GIN1: variants seen among roughly 807,000 people sequenced by gnomAD.
GIN1 encodes the protein gypsy retrotransposon integrase 1, also known as gypsy retrotransposon integrase-like protein 1.
In GIN1, 41 loss-of-function variants were observed where a neutral mutation model predicts 51.4. The observed-to-expected ratio is 0.80, with a 90% CI of 0.62 to 1.04. The LOEUF (loss-of-function observed/expected upper bound fraction) is 1.04, where lower values mean the gene tolerates loss of function less well. Ranked by LOEUF, GIN1 falls within the 50% of genes least tolerant of loss-of-function variation. The probability of loss-of-function intolerance (pLI) is 0.00; values close to 1 mark genes in which losing one functional copy is unlikely to be tolerated. For missense variants in GIN1, 610 were observed against 612.4 expected, an observed-to-expected ratio of 1.00 and a Z score of 0.04; for synonymous variants, 222 against 206.5, an observed-to-expected ratio of 1.07 and a Z score of -0.64.
Position 103,096,697 on chromosome 5 carries a change from C to T in GIN1, c.1138G>A (p.Asp380Asn). Residue 380 changes from aspartate to asparagine, a missense_variant, in exon 7 of 8, where the codon GAT (aspartate) becomes AAT (asparagine). Coordinates refer to ENST00000399004, the MANE Select transcript of GIN1 (RefSeq NM_017676.2). Reference sequence around the variant, plus strand: ...ACCCATTCAGACTGAAAACGACCATCCTTCCACCAATTTTTCCTTTGTCTT... The same window carrying T: ...ACCCATTCAGACTGAAAACGACCATTCTTCCACCAATTTTTCCTTTGTCTT... The part of the protein sequence containing the change: ...VLRQRKNWWK[D>N]GRFQSEWVGP... 1 of 1,614,072 alleles carries T rather than the reference C, an allele frequency of 6.2e-7. No individual in the cohort carries two copies. The highest frequency in any genetic ancestry group is 8.5e-7 in the Non-Finnish European group (1 of 1,179,966).
At chr5:103,097,812 T>C (rs1170810579) in intron 4 of GIN1, 31 bp from the exon 5 acceptor site, 1 of 920,260 alleles carries the variant, frequency 1.1e-6, no homozygotes, top group African/African-American at 1.7e-5. Flanking sequence ...AGGTGGCTTT[T>C]TAAAATTTGT....
intron 7 of GIN1, among the ~76,000 whole-genome samples, chr5:103,092,214 C>T (rs1787260557): frequency 6.6e-6 from 1 of 151,980 alleles, no homozygotes; most frequent in Non-Finnish European, 1.5e-5. Context: ...CACTATGTTG[C>T]CCATGCTGGT....
chr5:103,104,992 G>T, intron 3 of GIN1, 146 bp from the exon 4 acceptor site: 2 of 575,380 alleles, frequency 3.5e-6, no homozygotes, highest in Non-Finnish European at 3.0e-6. Flanking sequence ...AGAATCACTG[G>T]ATTAAACCTA....
chr5:103,097,376 T>C lies in GIN1; in HGVS notation c.946A>G (p.Ile316Val). 1 of 1,599,080 alleles carries C rather than the reference T, an allele frequency of 6.3e-7. No individual in the cohort carries two copies. ...TCAGCTTCTTTAATTGCATCTAGAA[T>C]TTTGGCAAACATACTTGTATTATCA... Reference protein sequence around the residue: ...DGDNTSMFAKILDAIKEADKI... With the variant: ...DGDNTSMFAKVLDAIKEADKI... Residue 316 changes from isoleucine to valine, a missense_variant, in exon 6 of 8, where the codon ATT becomes GTT. By Grantham distance (29) the Ile-to-Val change is conservative. Transcript: ENST00000399004.
At chr5:103,095,602 T>C (rs1247388702) in intron 7 of GIN1, among the ~76,000 whole-genome samples, 2 of 152,222 alleles carry the variant, frequency 1.3e-5, no homozygotes, top group Non-Finnish European at 2.9e-5. Flanking sequence ...CTGTTTTTCA[T>C]GCCAAAAAGA....
intron 3 of GIN1, chr5:103,106,470 A>T (rs1037831889): frequency 6.4e-6 from 2 of 314,864 alleles, no homozygotes; most frequent in Non-Finnish European, 1.1e-5. Flanking sequence ...AATGATACAA[A>T]TCTGATTTTT....
intron 7 of GIN1, among the ~76,000 whole-genome samples, chr5:103,093,043 C>A (rs1002784860): frequency 2.7e-5 from 4 of 148,232 alleles, no homozygotes; most frequent in Admixed American, 6.7e-5. Context: ...ACTATATTAA[C>A]GTCAAGATCA....
chr5:103,112,045 T>C (rs1240739472), intron 1 of GIN1, among the ~76,000 whole-genome samples: 1 of 130,160 alleles, frequency 7.7e-6, no homozygotes, highest in Non-Finnish European at 1.6e-5. Flanking sequence ...AAATTTGCTC[T>C]CCTCAGAGTA....
intron 3 of GIN1, among the ~76,000 whole-genome samples, chr5:103,106,027 T>C (rs1787713642): frequency 6.6e-6 from 1 of 152,120 alleles, no homozygotes; most frequent in African/African-American, 2.4e-5. Context: ...ATGCTTGAAA[T>C]GCCACTCTTT....
At position 103,099,384 on chromosome 5, in the gene GIN1, T is replaced by C. The variant is rs113407904; in HGVS notation, c.640-1603A>G. ...ATATTGGGATAATATATATACAATA[T>C]ATATTAATATATTGAGATAGGGAAA... On this transcript the variant is annotated intron_variant, in intron 4 of 7. Coordinates refer to ENST00000399004, the MANE Select transcript of GIN1 (RefSeq NM_017676.2). Among the ~76,000 whole-genome samples, 584 of 151,954 alleles carry C rather than the reference T, an allele frequency of 3.8e-3. 2 individuals carry two copies. Among genetic ancestry groups the C allele is most frequent in the African/African-American group, 0.013 (549 of 41,434 alleles).
chr5:103,108,299 T>G (rs1234810137), intron 2 of GIN1, among the ~76,000 whole-genome samples: 2 of 152,100 alleles, frequency 1.3e-5, no homozygotes, highest in Non-Finnish European at 1.5e-5. Context: ...CACGAGAGGG[T>G]AAAAGCAGAA....
chr5:103,092,134 A>T (rs1554194618), intron 7 of GIN1, among the ~76,000 whole-genome samples: 1 of 152,008 alleles, frequency 6.6e-6, no homozygotes, highest in East Asian at 1.9e-4. Context: ...CCTCTGCCTC[A>T]GCCCGCTAAG....
chr5:103,097,292 T>G (rs1554195185), intron 6 of GIN1, 22 bp downstream of exon 6: 1 of 1,448,274 alleles, frequency 6.9e-7, no homozygotes, highest in Admixed American at 1.9e-5. Flanking sequence ...TAGATTACAG[T>G]TTTTCTATTG....
rs546836567 is a variant in GIN1 at position 103,113,238 on chromosome 5, T to C, written c.-7-4524A>G. ...TACATCTTTTGCCATTCCTGATTGT[T>C]TTAGTCCACTTGGGCGGCTATAACA... On this transcript the variant is annotated intron_variant, in intron 1 of 7. Transcript: ENST00000399004. Among the ~76,000 whole-genome samples the C allele has an allele frequency of 2.0e-5, 3 of 152,336 alleles. No homozygotes were observed. In the East Asian group the frequency reaches 5.8e-4, roughly 29 times the overall value.
intron 4 of GIN1, among the ~76,000 whole-genome samples, chr5:103,102,091 G>A (rs1221184966): frequency 6.6e-6 from 1 of 151,970 alleles, no homozygotes; most frequent in Non-Finnish European, 1.5e-5. Flanking sequence ...CTATTCCTAG[G>A]TTTAGAATGT....
chr5:103,108,385 C>G (rs34831), intron 2 of GIN1, among the ~76,000 whole-genome samples, 184 bp downstream of exon 2: 1 of 151,780 alleles, frequency 6.6e-6, no homozygotes, highest in Non-Finnish European at 1.5e-5. Flanking sequence ...ACCCTTTTCA[C>G]GCTTATTGGC....
chr5:103,105,684 T>C (rs1361177994), intron 3 of GIN1, among the ~76,000 whole-genome samples: 1 of 152,176 alleles, frequency 6.6e-6, no homozygotes, highest in Non-Finnish European at 1.5e-5. Flanking sequence ...AATGTATCTC[T>C]GGAATTCCAC....
rs1364560153 is a variant in GIN1 at position 103,096,691 on chromosome 5, G to A, written c.1144C>T (p.Arg382Cys). Residue 382 changes from arginine to cysteine, a missense_variant, in exon 7 of 8, where the codon CGT (arginine) becomes TGT (cysteine). Coordinates refer to ENST00000399004, the MANE Select transcript of GIN1 (RefSeq NM_017676.2). ...RQRKNWWKDG[R>C]FQSEWVGPCV... ...GGACCAACCCATTCAGACTGAAAACGACCATCCTTCCACCAATTTTTCCTT... is the reference window on the plus strand; with the variant it reads ...GGACCAACCCATTCAGACTGAAAACAACCATCCTTCCACCAATTTTTCCTT... 3 of 1,614,006 alleles carry A rather than the reference G, an allele frequency of 1.9e-6. No homozygotes were observed. The highest frequency in any genetic ancestry group is 1.1e-5 in the South Asian group (1 of 91,080).
At chr5:103,111,523 T>C (rs34769) in intron 1 of GIN1, among the ~76,000 whole-genome samples, 38,782 of 151,906 alleles carry the variant, frequency 0.26, 5,516 homozygotes, top group East Asian at 0.45. Context: ...TGTATTTCCT[T>C]CCTTTTAGAG....
Sources: allele counts gnomAD v4.1 joint callset (sites outside exome capture counted in the v4.1 genomes callset), GRCh38; gene constraint gnomAD v4.1.1; transcripts MANE v1.5; gene names NCBI Gene and HGNC (gene_info 2026-07-23, HGNC 2026-07-21).